The following AFDN variants were observed in gnomAD, a reference collection of about 807,000 sequenced individuals.
The protein encoded by AFDN is afadin.
A neutral mutation model predicts 216.6 loss-of-function variants in AFDN; 68 were observed. The ratio of observed to expected loss-of-function variants is 0.31; its 90% CI spans 0.26 to 0.38. The LOEUF (loss-of-function observed/expected upper bound fraction) is 0.38. Ranked by LOEUF, AFDN falls within the 10% of genes least tolerant of loss-of-function variation. The probability of loss-of-function intolerance (pLI) is 1.00; values close to 1 mark genes in which losing one functional copy is unlikely to be tolerated. For missense variants in AFDN, 2,136 were observed against 2,342.0 expected, an observed-to-expected ratio of 0.91 and a Z score of 1.82; for synonymous variants, 868 against 853.7, an observed-to-expected ratio of 1.02 and a Z score of -0.29.
intron 23 of AFDN, 35 bp downstream of exon 23, chr6:167,925,126 C>A: frequency 6.9e-7 from 1 of 1,455,322 alleles, no homozygotes; most frequent in Non-Finnish European, 9.7e-7. Context: ...TTGTTCTCTC[C>A]AGTCTTTCGG....
intron 4 of AFDN, 99 bp downstream of exon 4, chr6:167,872,476 A>G: frequency 7.7e-7 from 1 of 1,305,134 alleles, no homozygotes; most frequent in Non-Finnish European, 1.1e-6. Context: ...TATGGAAAGG[A>G]TGAGTATCAG....
At chr6:167,931,121 T>A (rs1041654254) in intron 23 of AFDN, among the ~76,000 whole-genome samples, 1 of 152,210 alleles carries the variant, frequency 6.6e-6, no homozygotes, top group Non-Finnish European at 1.5e-5. Context: ...GTTGACAGTT[T>A]CTGGTTATGG....
chr6:167,850,728 A>G (rs1278334819), intron 1 of AFDN, among the ~76,000 whole-genome samples: 1 of 152,234 alleles, frequency 6.6e-6, no homozygotes. Context: ...TTTCAGTATT[A>G]TAATTTTGAG....
intron 12 of AFDN, 29 bp downstream of exon 12, chr6:167,902,415 G>A (rs757537529): frequency 2.0e-6 from 3 of 1,534,670 alleles, no homozygotes; most frequent in African/African-American, 2.7e-5. Context: ...CCTGATAGAA[G>A]TGTGCTTGCT....
chr6:167,856,780 A>G (rs1182305798), intron 1 of AFDN, among the ~76,000 whole-genome samples: 1 of 152,078 alleles, frequency 6.6e-6, no homozygotes, highest in Non-Finnish European at 1.5e-5. Flanking sequence ...TAAAACAGAA[A>G]CTTTCAATTT....
intron 1 of AFDN, among the ~76,000 whole-genome samples, chr6:167,831,693 C>G (rs1336236461): frequency 2.0e-5 from 3 of 152,130 alleles, no homozygotes; most frequent in Non-Finnish European, 4.4e-5. Context: ...CTTTCATATT[C>G]TTGAAAAACA....
Position 167,962,633 on chromosome 6 carries a change from G to T in AFDN, c.4968+66G>T, listed in dbSNP as rs1182596381. 6.2e-7 allele frequency: 1 copy of T among 1,605,842 alleles called. No individual in the cohort carries two copies. The highest frequency in any genetic ancestry group is 8.5e-7 in the Non-Finnish European group (1 of 1,173,460). ...GCCTGAACGTAATCGATTGGCTGGG[G>T]CAGAGCGGGCTGGAAGTTCTGTGTT... On this transcript the variant is annotated intron_variant, in intron 31 of 33. Coordinates refer to ENST00000683244, the MANE Select transcript of AFDN (RefSeq NM_001386888.1). The surrounding 1 kb of genome is among the most constrained non-coding windows in gnomAD (Gnocchi z 5.2).
chr6:167,962,848 T>C lies in AFDN; in HGVS notation c.4968+281T>C, dbSNP rs1004167174. On this transcript the variant is annotated intron_variant, in intron 31 of 33. Coordinates refer to ENST00000683244, the MANE Select transcript of AFDN (RefSeq NM_001386888.1). This position sits in a 1 kb window ranked among gnomAD's most constrained non-coding sequence, Gnocchi z 5.2. ...AGCAGTGAGCCTCTTTGCAAAGGGT[T>C]CGTTTCCTCGGGCACTCATCTTTAC... is the stretch of plus-strand genomic sequence containing the variant. 38 of 1,252,286 alleles carry C rather than the reference T, an allele frequency of 3.0e-5. No homozygotes were observed. In the African/African-American group the frequency reaches 5.3e-4, roughly 18 times the overall value. The allele number at this position is 1,252,286 out of a possible 1,614,324, so 77.6% of individuals were successfully genotyped here. A position where few individuals can be genotyped will look rare whatever the true frequency, so the allele number is the denominator to read the frequency against.
chr6:167,845,338 C>G (rs1257770275), intron 1 of AFDN, among the ~76,000 whole-genome samples: 2 of 151,958 alleles, frequency 1.3e-5, no homozygotes, highest in Non-Finnish European at 2.9e-5. Context: ...TCATTTTGGT[C>G]TTCTGATTTT....
At position 167,827,129 on chromosome 6, in the gene AFDN, G is replaced by T; in HGVS notation, c.-4G>T. On this transcript the variant is annotated 5_prime_UTR_variant, in exon 1 of 34. Transcript: ENST00000683244. The stretch of plus-strand genomic sequence containing the variant: ...CGCGCGGCTGAGGAGGCGCGGCCAG[G>T]ACCATGTCGGCGGGCGGCCGTGACG... 7.8e-7 allele frequency: 1 copy of T among 1,281,128 alleles called. No individual in the cohort carries two copies. Among genetic ancestry groups the T allele is most frequent in the African/African-American group, 1.6e-5 (1 of 62,572 alleles). The allele number at this position is 1,281,128 out of a possible 1,614,324, so 79.4% of individuals were successfully genotyped here. A position where few individuals can be genotyped will look rare whatever the true frequency, so the allele number is the denominator to read the frequency against.
At chr6:167,929,256 T>A (rs878941096) in intron 23 of AFDN, among the ~76,000 whole-genome samples, 1 of 146,958 alleles carries the variant, frequency 6.8e-6, no homozygotes. Flanking sequence ...AAAAAAAAAA[T>A]TAACAAAAGA....
chr6:167,963,321 C>T (rs1797224194), intron 31 of AFDN: 26 of 1,061,194 alleles, frequency 2.5e-5, no homozygotes, highest in South Asian at 1.4e-4. Flanking sequence ...GAGGGGACTG[C>T]GTGTTGCTCT....
intron 21 of AFDN, among the ~76,000 whole-genome samples, chr6:167,921,601 A>G (rs1393215278): frequency 6.6e-6 from 1 of 152,188 alleles, no homozygotes; most frequent in South Asian, 2.1e-4. Flanking sequence ...TCTGAGATGC[A>G]TTCCGTAAGC....
chr6:167,892,678 G>A (rs1229279134), intron 8 of AFDN, among the ~76,000 whole-genome samples: 2 of 152,144 alleles, frequency 1.3e-5, no homozygotes, highest in South Asian at 2.1e-4. Context: ...GTGTCATACC[G>A]TGTTCTGGGC....
Position 167,961,812 on chromosome 6 carries a change from G to A in AFDN, c.4834-621G>A, listed in dbSNP as rs187478497. On this transcript the variant is annotated intron_variant, in intron 30 of 33. Transcript: ENST00000683244. ...AGTCCATGGTGCAGAGTGTAGGGTA[G>A]TCCTGAGTCGGGAGGGAATTCTTGA... is the stretch of plus-strand genomic sequence containing the variant. 1.7e-3 allele frequency among the ~76,000 whole-genome samples: 262 copies of A among 152,260 alleles called. 1 individual carries two copies. Among genetic ancestry groups the A allele is most frequent in the African/African-American group, 6.0e-3 (250 of 41,564 alleles).
intron 30 of AFDN, among the ~76,000 whole-genome samples, chr6:167,953,878 G>A (rs1360063293): frequency 1.3e-5 from 2 of 152,236 alleles, no homozygotes; most frequent in East Asian, 1.9e-4. Flanking sequence ...CTTTTCCTTC[G>A]CTGCATTTTC....
intron 1 of AFDN, among the ~76,000 whole-genome samples, chr6:167,834,261 C>T (rs1186338544): frequency 6.6e-6 from 1 of 152,076 alleles, no homozygotes; most frequent in African/African-American, 2.4e-5. Flanking sequence ...TCTTCCCACC[C>T]TTTTCCCCGA....
At chr6:167,860,647 G>A (rs1783454027) in intron 1 of AFDN, among the ~76,000 whole-genome samples, 1 of 152,204 alleles carries the variant, frequency 6.6e-6, no homozygotes, top group Non-Finnish European at 1.5e-5. Flanking sequence ...TCAAGGATGT[G>A]GCTGTCATGT....
At chr6:167,935,088 A>G (rs1028200556) in intron 23 of AFDN, among the ~76,000 whole-genome samples, 4 of 152,074 alleles carry the variant, frequency 2.6e-5, no homozygotes, top group Non-Finnish European at 4.4e-5. Flanking sequence ...AGCTCGTTCT[A>G]CAGGTGAATT....
Sources: gnomAD v4.1 joint callset for allele counts (sites outside exome capture counted in the v4.1 genomes callset) on GRCh38, gnomAD v4.1.1 for gene constraint, Gnocchi (gnomAD v3.1) non-coding constraint, MANE v1.5 for transcripts, NCBI Gene and HGNC (gene_info 2026-07-23, HGNC 2026-07-21) for gene names.